PLAAT2: variants seen among roughly 807,000 people sequenced by gnomAD.
PLAAT2 encodes the protein HRAS like suppressor 2.
PLAAT2 carries 12 observed loss-of-function variants against 12.8 expected under a neutral mutation model. That is an observed-to-expected ratio of 0.94 (90% CI 0.60 to 1.52). The LOEUF is 1.52. Among genes scored for constraint, PLAAT2 ranks in the 40% most tolerant of loss-of-function variants. The pLI, the probability that PLAAT2 is intolerant of heterozygous loss-of-function variation, is 0.00. For missense variants in PLAAT2, 166 were observed against 208.1 expected (o/e 0.80, Z 1.24); for synonymous variants, 79 against 86.8 (o/e 0.91, Z 0.50).
chr11:63,564,870 A>G (rs893740344), upstream of PLAAT2, among the ~76,000 whole-genome samples: 6 of 152,034 alleles, frequency 3.9e-5, no homozygotes, highest in Non-Finnish European at 7.4e-5. Flanking sequence ...GAGGACTTCC[A>G]CGTGCTGTCT....
intron 2 of PLAAT2, among the ~76,000 whole-genome samples, chr11:63,559,163 G>T (rs2017495712): frequency 1.3e-5 from 2 of 152,206 alleles, no homozygotes; most frequent in Non-Finnish European, 2.9e-5. Context: ...AAGTAGCTGG[G>T]CATGGCAGCA....
intron 3 of PLAAT2, among the ~76,000 whole-genome samples, chr11:63,555,372 C>T (rs560521597): frequency 6.6e-6 from 1 of 152,240 alleles, no homozygotes; most frequent in South Asian, 2.1e-4. Flanking sequence ...TTTTAAAATA[C>T]AGTATAACTA....
At chr11:63,555,865 T>C (rs1476037067) in intron 3 of PLAAT2, among the ~76,000 whole-genome samples, 1 of 152,252 alleles carries the variant, frequency 6.6e-6, no homozygotes, top group Non-Finnish European at 1.5e-5. Context: ...ACTGTATCTA[T>C]GTTTCAAAGG....
chr11:63,561,795 T>TA (rs1446996308), intron 1 of PLAAT2, among the ~76,000 whole-genome samples: 2 of 150,928 alleles, frequency 1.3e-5, no homozygotes, highest in African/African-American at 2.4e-5. Flanking sequence ...CCTCGAAATT[T>TA]AAAAAAAAGT....
chr11:63,554,762 C>T (rs887392238), intron 3 of PLAAT2, among the ~76,000 whole-genome samples: 9 of 152,054 alleles, frequency 5.9e-5, no homozygotes, highest in Non-Finnish European at 8.8e-5. Context: ...TTTAAACCAG[C>T]GACCAAATAG....
upstream of PLAAT2, among the ~76,000 whole-genome samples, chr11:63,564,642 T>C (rs1412733723): frequency 6.6e-6 from 1 of 152,140 alleles, no homozygotes; most frequent in Admixed American, 6.5e-5. Context: ...CTCCTCTGAG[T>C]TGCAGTGGGA....
At chr11:63,555,664 C>T (rs552077197) in intron 3 of PLAAT2, among the ~76,000 whole-genome samples, 1 of 152,306 alleles carries the variant, frequency 6.6e-6, no homozygotes, top group Admixed American at 6.5e-5. Flanking sequence ...CAGTGAAGCA[C>T]CTCTGCACTC....
intron 3 of PLAAT2, among the ~76,000 whole-genome samples, chr11:63,554,554 G>A (rs1201525366): frequency 6.6e-6 from 1 of 151,746 alleles, no homozygotes; most frequent in Non-Finnish European, 1.5e-5. Flanking sequence ...CTTGAACCCA[G>A]GAGGCAGAGG....
chr11:63,557,052 G>A (rs1034946625), intron 3 of PLAAT2, among the ~76,000 whole-genome samples: 1 of 152,108 alleles, frequency 6.6e-6, no homozygotes, highest in Non-Finnish European at 1.5e-5. Flanking sequence ...TAAACTACAC[G>A]GAAGACATTT....
At position 63,558,672 on chromosome 11, in the gene PLAAT2, G is replaced by A. The variant is rs1444911609; in HGVS notation, c.119-12C>T. ...TCCAGCAATTTCACCTGTGCAAACA[G>A]TGAGTTCAGTCCTGGGCAGGGCCTG... is the stretch of plus-strand genomic sequence containing the variant. On this transcript the variant is annotated splice_polypyrimidine_tract_variant and intron_variant, in intron 2 of 3. Transcript: ENST00000255695. 6.2e-7 allele frequency: 1 copy of A among 1,614,008 alleles called. No individual in the cohort carries two copies. The highest frequency in any genetic ancestry group is 1.1e-5 in the South Asian group (1 of 91,056).
Position 63,563,344 on chromosome 11 carries a change from CT to C in PLAAT2, c.-21del. ...AGCCATCCTTCCTTCAAGATGATGT[CT>C]TGTGTGTTGCTGACTCTGTGTCCAG... On this transcript the variant is annotated 5_prime_UTR_variant, in exon 1 of 4. Transcript: ENST00000255695. 1 of 1,614,108 alleles carries C rather than the reference CT, an allele frequency of 6.2e-7. No homozygotes were observed. Among genetic ancestry groups the C allele is most frequent in the East Asian group, 2.2e-5 (1 of 44,884 alleles).
In PLAAT2 at chr11:63,560,107, A is replaced by G. The variant is rs931873521; in HGVS notation, c.96T>C (p.Tyr32=). The part of the protein sequence containing the change: ...AHWAIYVGDG[Y]VVHLAPASEI... ...TACTTGCCGGAGCCAGATGGACCAC[A>G]TAGCCATCTCCCACGTAGATGGCCC... The change falls in exon 2 of 4, where the codon TAT becomes TAC. Residue 32 remains tyrosine (Y), a synonymous_variant. Transcript: ENST00000255695. The G allele has an allele frequency of 3.7e-6, 6 of 1,611,724 alleles. No homozygotes were observed. The highest frequency in any genetic ancestry group is 5.1e-6 in the Non-Finnish European group (6 of 1,178,120).
At chr11:63,553,792 C>T (rs1281959169) in intron 3 of PLAAT2, among the ~76,000 whole-genome samples, 5 of 152,200 alleles carry the variant, frequency 3.3e-5, no homozygotes, top group Non-Finnish European at 5.9e-5. Flanking sequence ...CCCCTGGGAA[C>T]TCTCACTACA....
upstream of PLAAT2, among the ~76,000 whole-genome samples, chr11:63,563,810 A>AAG (rs2017541331): frequency 6.6e-6 from 1 of 151,962 alleles, no homozygotes; most frequent in African/African-American, 2.4e-5. Flanking sequence ...TCAAGTAGGC[A>AAG]AGGCGGCATG....
At chr11:63,560,425 T>C (rs1023258866) in intron 1 of PLAAT2, among the ~76,000 whole-genome samples, 1 of 152,288 alleles carries the variant, frequency 6.6e-6, no homozygotes, top group Non-Finnish European at 1.5e-5. Flanking sequence ...GAGAGTATCT[T>C]TGAGGGAGAT....
chr11:63,553,110 A>T (rs1472437471), intron 3 of PLAAT2, 45 bp from the exon 4 acceptor site: 11 of 1,199,098 alleles, frequency 9.2e-6, no homozygotes, highest in Non-Finnish European at 1.2e-5. Flanking sequence ...TCAGGGCGGG[A>T]CCACGATACA....
At chr11:63,555,539 A>G (rs1024087628) in intron 3 of PLAAT2, among the ~76,000 whole-genome samples, 3 of 152,116 alleles carry the variant, frequency 2.0e-5, no homozygotes, top group Admixed American at 2.0e-4. Context: ...AAGAAATACA[A>G]AAATTAGCCG....
Position 63,558,622 on chromosome 11 carries a change from C to T in PLAAT2, c.157G>A (p.Ala53Thr). Residue 53 changes from alanine to threonine, a missense_variant, in exon 3 of 4, where the codon GCC (alanine) becomes ACC (threonine). By Grantham distance (58) the Ala-to-Thr change is moderately conservative. Coordinates refer to ENST00000255695, the MANE Select transcript of PLAAT2 (RefSeq NM_017878.2). The stretch of plus-strand genomic sequence containing the variant: ...TTCACTATGGCTTTGTTGGTCAGGG[C>T]AGACAGGACACTGGCCGCACCAGCT... Reference protein sequence around the residue: ...AGAGAASVLSALTNKAIVKKE... With the variant: ...AGAGAASVLSTLTNKAIVKKE... 6.2e-7 allele frequency: 1 copy of T among 1,614,208 alleles called. No homozygotes were observed. The highest frequency in any genetic ancestry group is 8.5e-7 in the Non-Finnish European group (1 of 1,180,038).
intron 3 of PLAAT2, among the ~76,000 whole-genome samples, chr11:63,553,596 G>A (rs2134367157): frequency 6.6e-6 from 1 of 152,312 alleles, no homozygotes; most frequent in East Asian, 1.9e-4. Flanking sequence ...GTTGCAGTGA[G>A]CCAAGATTGC....
Sources: allele counts gnomAD v4.1 joint callset (sites outside exome capture counted in the v4.1 genomes callset), GRCh38; gene constraint gnomAD v4.1.1; transcripts MANE v1.5; gene names NCBI Gene and HGNC (gene_info 2026-07-23, HGNC 2026-07-21).